The following TNN variants were observed in gnomAD, a reference collection of about 807,000 sequenced individuals.
TNN encodes the protein tenascin N.
A neutral mutation model predicts 134.4 loss-of-function variants in TNN; 122 were observed. The observed-to-expected ratio is 0.91, with a 90% CI of 0.78 to 1.06. The LOEUF is 1.06. TNN is among the 50% of genes least tolerant of loss of function. TNN has a pLI of 0.00. For missense variants in TNN, 1,739 were observed against 1,699.4 expected, an observed-to-expected ratio of 1.02 and a Z score of -0.41; for synonymous variants, 710 against 670.3, an observed-to-expected ratio of 1.06 and a Z score of -0.91.
intron 1 of TNN, among the ~76,000 whole-genome samples, chr1:175,069,385 A>G (rs1299749425): frequency 2.6e-5 from 4 of 152,182 alleles, no homozygotes; most frequent in South Asian, 4.1e-4. Flanking sequence ...CTTTCATACA[A>G]CTCTAAGTAC....
intron 1 of TNN, among the ~76,000 whole-genome samples, chr1:175,073,598 G>A (rs1407814803): frequency 1.3e-5 from 2 of 152,212 alleles, no homozygotes; most frequent in Non-Finnish European, 2.9e-5. Context: ...AGAGAAGCTG[G>A]AGGGAAGGGG....
intron 9 of TNN, among the ~76,000 whole-genome samples, chr1:175,112,598 C>CTGTTTTTTTTTTTTT (rs1675058784): frequency 4.6e-5 from 1 of 21,974 alleles, no homozygotes; most frequent in Non-Finnish European, 8.3e-5. Context: ...GCCGGCCGAT[C>CTGTTTTTTTTTTTTT]TTTTTTTTTT....
At chr1:175,093,915 A>C in intron 6 of TNN, 75 bp from the exon 7 acceptor site, 3 of 1,493,862 alleles carry the variant, frequency 2.0e-6, no homozygotes, top group East Asian at 2.3e-5. Context: ...CAGGTGAACT[A>C]GATCTTTAAC....
intron 12 of TNN, among the ~76,000 whole-genome samples, chr1:175,125,287 G>C (rs1242017971): frequency 6.6e-6 from 1 of 151,940 alleles, no homozygotes; most frequent in Non-Finnish European, 1.5e-5. Context: ...CGTCTTTTTG[G>C]GAAGTTATAA....
At chr1:175,097,314 ACT>A in intron 7 of TNN, 101 bp from the exon 8 acceptor site, 1 of 1,426,190 alleles carries the variant, frequency 7.0e-7, no homozygotes, top group Non-Finnish European at 9.6e-7. Flanking sequence ...CATATTAGAG[ACT>A]CTGACATTTG....
chr1:175,118,562 C>A lies in TNN; in HGVS notation c.2388C>A (p.Asp796Glu). ...SKKADTKAQT[D>E]IDSPQNLVTD... ...ATTGGTCAGCATTTTTTTTTTCAGA[C>A]ATTGACAGCCCCCAAAACCTGGTCA... Residue 796 changes from aspartate to glutamate, a missense_variant and splice_region_variant, in exon 11 of 19, where the codon GAC becomes GAA. Coordinates refer to ENST00000239462, the MANE Select transcript of TNN (RefSeq NM_022093.2). The A allele has an allele frequency of 6.2e-7, 1 of 1,610,948 alleles. No individual in the cohort carries two copies. Among genetic ancestry groups the A allele is most frequent in the Non-Finnish European group, 8.5e-7 (1 of 1,179,136 alleles).
At chr1:175,080,074 C>A in intron 3 of TNN, 89 bp from the exon 4 acceptor site, 2 of 1,539,380 alleles carry the variant, frequency 1.3e-6, no homozygotes, top group Non-Finnish European at 1.8e-6. Context: ...ATCCTGCACA[C>A]CCACCCTTAT....
intron 12 of TNN, 50 bp downstream of exon 12, chr1:175,123,713 A>G (rs746860775): frequency 6.2e-7 from 1 of 1,604,266 alleles, no homozygotes. Context: ...ATCAGGAGAG[A>G]ACCTTCCTCC....
In TNN at chr1:175,079,335, C is replaced by A. The variant is rs745575208; in HGVS notation, c.412C>A (p.Leu138Ile). ...ACTGTTTCTCCTCTCCCTCCCAGAT[C>A]TAAGCCGCCACTGCAGCGGCCACGG... The part of the protein sequence containing the change: ...AQRCCQGVTD[L>I]SRHCSGHGTF... Residue 138 changes from leucine to isoleucine, a missense_variant and splice_region_variant, in exon 3 of 19, where the codon CTA (leucine) becomes ATA (isoleucine). By Grantham distance (5) the Leu-to-Ile change is conservative. Transcript: ENST00000239462. The A allele has an allele frequency of 1.4e-5, 23 of 1,590,200 alleles. 1 individual carries two copies. The South Asian group carries it at 2.6e-4, about 18-fold the overall frequency.
Position 175,128,118 on chromosome 1 carries a change from T to G in TNN, c.3132T>G (p.Phe1044Leu). ...CCTACCCTGTCTCCCTTGTTGCCTT[T>G]AAGGGTGGTCGCCGGAGCAGAAATG... The part of the protein sequence containing the change: ...GATYPVSLVA[F>L]KGGRRSRNVS... Residue 1044 changes from phenylalanine (F) to leucine (L), a missense_variant, in exon 14 of 19, where the codon TTT (phenylalanine) becomes TTG (leucine). Phe to Leu is a conservative substitution (Grantham distance 22, BLOSUM62 0). Transcript: ENST00000239462. 1 of 1,613,374 alleles carries G rather than the reference T, an allele frequency of 6.2e-7. No individual in the cohort carries two copies. The highest frequency in any genetic ancestry group is 8.5e-7 in the Non-Finnish European group (1 of 1,179,576).
chr1:175,080,931 G>GCATC (rs1340373569), intron 4 of TNN, among the ~76,000 whole-genome samples: 1 of 152,206 alleles, frequency 6.6e-6, no homozygotes, highest in Non-Finnish European at 1.5e-5. Flanking sequence ...CATCAATAAG[G>GCATC]ATACTCTCCT....
intron 2 of TNN, 117 bp from the exon 3 acceptor site, chr1:175,079,216 C>A: frequency 4.6e-5 from 55 of 1,193,870 alleles, no homozygotes; most frequent in Middle Eastern, 4.1e-4. Flanking sequence ...CCAGAAATCA[C>A]CAGACCCTTA....
At chr1:175,108,640 T>C (rs1425973380) in intron 9 of TNN, among the ~76,000 whole-genome samples, 1 of 152,234 alleles carries the variant, frequency 6.6e-6, no homozygotes, top group Non-Finnish European at 1.5e-5. Flanking sequence ...AAATCGAGCG[T>C]AGCGCCGGTG....
chr1:175,075,839 C>T (rs1174934010), intron 1 of TNN, among the ~76,000 whole-genome samples: 1 of 152,152 alleles, frequency 6.6e-6, no homozygotes, highest in African/African-American at 2.4e-5. Context: ...GTCTGAGGTG[C>T]CTTTCCACCA....
chr1:175,092,479 C>G (rs534082387), intron 6 of TNN, among the ~76,000 whole-genome samples: 64 of 152,316 alleles, frequency 4.2e-4, no homozygotes, highest in African/African-American at 1.5e-3. Flanking sequence ...GTTTCTCTCT[C>G]TAGTTACTGT....
intron 9 of TNN, among the ~76,000 whole-genome samples, chr1:175,099,333 GAGGACGGGCAGA>G (rs376398284): frequency 1.2e-3 from 180 of 151,782 alleles, no homozygotes; most frequent in Non-Finnish European, 2.1e-3. Flanking sequence ...GGTGAGGGGT[GAGGACGGGCAGA>G]AGTGAAGGGT....
At chr1:175,125,323 C>T (rs1381238640) in intron 12 of TNN, among the ~76,000 whole-genome samples, 1 of 151,758 alleles carries the variant, frequency 6.6e-6, no homozygotes, top group African/African-American at 2.4e-5. Context: ...TATGATAATG[C>T]TTTTTCAAAA....
chr1:175,100,414 G>C (rs545835512), intron 9 of TNN, among the ~76,000 whole-genome samples: 57 of 152,254 alleles, frequency 3.7e-4, no homozygotes, highest in Middle Eastern at 6.8e-3. Flanking sequence ...TTCAAGGCTT[G>C]GGCCTCACCC....
At chr1:175,133,573 TTC>T (rs1399738767) in intron 15 of TNN, among the ~76,000 whole-genome samples, 2 of 152,220 alleles carry the variant, frequency 1.3e-5, no homozygotes, top group Non-Finnish European at 2.9e-5. Context: ...CTGTTGCCCC[TTC>T]TCTCTCCTTA....
Sources: allele counts gnomAD v4.1 joint callset (sites outside exome capture counted in the v4.1 genomes callset), GRCh38; gene constraint gnomAD v4.1.1; transcripts MANE v1.5; gene names NCBI Gene and HGNC (gene_info 2026-07-23, HGNC 2026-07-21).